The following HAUS5 variants were observed in gnomAD, a reference collection of about 807,000 sequenced individuals.
HAUS5 encodes the protein HAUS augmin-like complex subunit 5.
HAUS5 carries 67 observed loss-of-function variants against 94.1 expected under a neutral mutation model. The observed-to-expected ratio is 0.71, with a 90% CI of 0.58 to 0.87. The LOEUF (loss-of-function observed/expected upper bound fraction) is 0.87. HAUS5 is among the 40% of genes least tolerant of loss of function. HAUS5 has a pLI of 0.00. For missense variants in HAUS5, 739 were observed against 825.6 expected, an observed-to-expected ratio of 0.90 and a Z score of 1.29; for synonymous variants, 339 against 355.4, an observed-to-expected ratio of 0.95 and a Z score of 0.52.
intron 17 of HAUS5, among the ~76,000 whole-genome samples, chr19:35,621,881 T>C (rs1394428849): frequency 6.6e-6 from 1 of 152,180 alleles, no homozygotes; most frequent in African/African-American, 2.4e-5. Flanking sequence ...CAGGCCCAGC[T>C]TGTCTGATCA....
chr19:35,620,072 G>GGGCT lies in HAUS5; in HGVS notation c.1468_1471dup (p.Ser491TrpfsTer98). 6.2e-7 allele frequency: 1 copy of GGGCT among 1,613,614 alleles called. No homozygotes were observed. Among genetic ancestry groups the GGGCT allele is most frequent in the Non-Finnish European group, 8.5e-7 (1 of 1,179,858 alleles). On this transcript the variant is annotated frameshift_variant, in exon 16 of 19. Coordinates refer to ENST00000203166, the MANE Select transcript of HAUS5 (RefSeq NM_015302.2). LOFTEE classifies it high-confidence loss of function. ...ACCAGCTGCACCCCGCGTCCCCAAG[G>GGGCT]GGCTCCAGCTTCATAGCGCTGAGCC...
intron 6 of HAUS5, among the ~76,000 whole-genome samples, chr19:35,615,865 G>A (rs925529700): frequency 1.3e-5 from 2 of 152,214 alleles, no homozygotes; most frequent in African/African-American, 4.8e-5. Context: ...TGCTCAGCAT[G>A]CAGGAAGAGC....
Position 35,618,648 on chromosome 19 carries a change from T to A in HAUS5, c.965T>A (p.Leu322His), listed in dbSNP as rs756199834. 2 of 1,606,368 alleles carry A rather than the reference T, an allele frequency of 1.2e-6. No homozygotes were observed. The highest frequency in any genetic ancestry group is 3.3e-5 in the Admixed American group (2 of 59,702). The change falls in exon 12 of 19, where the codon CTC becomes CAC. Residue 322 changes from leucine to histidine, a missense_variant. Leu to His is a moderately conservative substitution (Grantham distance 99). Transcript: ENST00000203166. ...GAGCGGCAAGTCTTGACCCAGCGCCTCCAGGGCCTGGTGGAGGAGGTGGAG... is the reference window on the plus strand; with the variant it reads ...GAGCGGCAAGTCTTGACCCAGCGCCACCAGGGCCTGGTGGAGGAGGTGGAG... The part of the protein sequence containing the change: ...LKERQVLTQR[L>H]QGLVEEVERR...
rs548276652 is a variant in HAUS5 at position 35,619,921 on chromosome 19, A to G, written c.1407-91A>G. The stretch of plus-strand genomic sequence containing the variant: ...CTGGTCTTGGCATCCTAGTCCCCAG[A>G]CCCACCTTGAAGTTCCTGGGCCCCC... On this transcript the variant is annotated intron_variant, in intron 15 of 18. Coordinates refer to ENST00000203166, the MANE Select transcript of HAUS5 (RefSeq NM_015302.2). The G allele has an allele frequency of 1.9e-6, 3 of 1,543,914 alleles. No individual in the cohort carries two copies. The Admixed American group carries it at 5.7e-5, about 29-fold the overall frequency.
In HAUS5 at chr19:35,620,004, G is replaced by A. The variant is rs777969285; in HGVS notation, c.1407-8G>A. ...CCCCACCCAACCCAGACTTCTCCCC[G>A]CCCGTAGGTTGAAGCCCCTGCCCAC... is the stretch of plus-strand genomic sequence containing the variant. On this transcript the variant is annotated splice_polypyrimidine_tract_variant and splice_region_variant and intron_variant, in intron 15 of 18. Coordinates refer to ENST00000203166, the MANE Select transcript of HAUS5 (RefSeq NM_015302.2). The A allele has an allele frequency of 1.3e-5, 21 of 1,606,608 alleles. No individual in the cohort carries two copies. Among genetic ancestry groups the A allele is most frequent in the Admixed American group, 3.3e-5 (2 of 59,762 alleles).
At chr19:35,617,066 GGGGCACAGA>G in intron 6 of HAUS5, 49 bp from the exon 7 acceptor site, 1 of 1,418,948 alleles carries the variant, frequency 7.0e-7, no homozygotes, top group East Asian at 2.3e-5. Context: ...GAGAGGAGAT[GGGGCACAGA>G]CATCTGTTCT....
At chr19:35,622,310 T>A (rs1254418617) in intron 17 of HAUS5, among the ~76,000 whole-genome samples, 1 of 150,844 alleles carries the variant, frequency 6.6e-6, no homozygotes, top group East Asian at 2.0e-4. Flanking sequence ...CCATGGAGAT[T>A]GATGGGCTCT....
At position 35,618,091 on chromosome 19, in the gene HAUS5, C is replaced by T. The variant is rs747760698; in HGVS notation, c.717C>T (p.Pro239=). 3.1e-6 allele frequency: 5 copies of T among 1,601,288 alleles called. No individual in the cohort carries two copies. In the African/African-American group the frequency reaches 5.4e-5, roughly 17 times the overall value. The change falls in exon 10 of 19, where the codon CCC becomes CCT. Residue 239 remains proline (P), a synonymous_variant. Coordinates refer to ENST00000203166, the MANE Select transcript of HAUS5 (RefSeq NM_015302.2). ...CCTAGACGCTGCTGACAAACCACCCCCCAGGCCACGTCCTGGCTGCCTTGG... is the reference window on the plus strand; with the variant it reads ...CCTAGACGCTGCTGACAAACCACCCTCCAGGCCACGTCCTGGCTGCCTTGG... The part of the protein sequence containing the change: ...SSVETLLTNH[P]PGHVLAALEH...
intron 6 of HAUS5, 30 bp downstream of exon 6, chr19:35,615,416 C>A (rs749155013): frequency 1.3e-6 from 2 of 1,559,768 alleles, no homozygotes; most frequent in Non-Finnish European, 1.7e-6. Context: ...CCTCACCAGG[C>A]TGGGTGGCCA....
chr19:35,619,183 A>G, intron 13 of HAUS5, 134 bp downstream of exon 13: 1 of 960,060 alleles, frequency 1.0e-6, no homozygotes, highest in Non-Finnish European at 1.5e-6. Flanking sequence ...AGGTGGGAGG[A>G]TCTGAGCCCA....
intron 17 of HAUS5, among the ~76,000 whole-genome samples, chr19:35,622,328 A>T (rs1218909171): frequency 6.7e-6 from 1 of 150,074 alleles, no homozygotes; most frequent in Non-Finnish European, 1.5e-5. Flanking sequence ...TCTCACGGGG[A>T]GGGAGGAAGG....
In HAUS5 at chr19:35,625,173, C is replaced by G. The variant is rs1048825107; in HGVS notation, c.*2180C>G. ...ATAGACCGTTTAAATTTTTGAGATTCTACCTTATATTTTTTGAATTATATA... is the reference window on the plus strand; with the variant it reads ...ATAGACCGTTTAAATTTTTGAGATTGTACCTTATATTTTTTGAATTATATA... On this transcript the variant is annotated 3_prime_UTR_variant, in exon 19 of 19. Coordinates refer to ENST00000203166, the MANE Select transcript of HAUS5 (RefSeq NM_015302.2). The G allele has an allele frequency of 2.6e-5, 4 of 152,118 alleles. No individual in the cohort carries two copies. The highest frequency in any genetic ancestry group is 9.7e-5 in the African/African-American group (4 of 41,412). The allele number at this position is 152,118 out of a possible 1,614,324, so 9.4% of individuals were successfully genotyped here. A position where few individuals can be genotyped will look rare whatever the true frequency, so the allele number is the denominator to read the frequency against.
In HAUS5 at chr19:35,620,255, G is replaced by A. The variant is rs766592538; in HGVS notation, c.1579G>A (p.Asp527Asn). Residue 527 changes from aspartate to asparagine, a missense_variant, in exon 17 of 19, where the codon GAC becomes AAC. By Grantham distance (23) the Asp-to-Asn change is conservative. Coordinates refer to ENST00000203166, the MANE Select transcript of HAUS5 (RefSeq NM_015302.2). ...TCGCCAGGACCTTCTGCTCCTGCAG[G>A]ACCAGCGGAGCCTCTGGTGCTGGGA... ...SLRQDLLLLQ[D>N]QRSLWCWDLL... 1.2e-6 allele frequency: 2 copies of A among 1,613,070 alleles called. No individual in the cohort carries two copies. Among genetic ancestry groups the A allele is most frequent in the Non-Finnish European group, 1.7e-6 (2 of 1,179,496 alleles).
chr19:35,619,901 C>G, intron 15 of HAUS5, 111 bp from the exon 16 acceptor site: 1 of 1,529,864 alleles, frequency 6.5e-7, no homozygotes, highest in South Asian at 1.3e-5. Context: ...CAGCCCTGGT[C>G]TTGGCATCCT....
intron 17 of HAUS5, among the ~76,000 whole-genome samples, chr19:35,621,153 C>T (rs1197480643): frequency 1.3e-5 from 2 of 152,080 alleles, no homozygotes; most frequent in Admixed American, 6.5e-5. Flanking sequence ...AGAAATGAAC[C>T]GGCAGTGCCA....
At chr19:35,622,848 T>C (rs774361705) in intron 18 of HAUS5, 28 bp from the exon 19 acceptor site, 2 of 1,608,184 alleles carry the variant, frequency 1.2e-6, no homozygotes, top group Admixed American at 3.3e-5. Flanking sequence ...GTCAGTCCTT[T>C]CCTCGTTGAC....
At position 35,614,179 on chromosome 19, in the gene HAUS5, T is replaced by C. The variant is rs2071920717; in HGVS notation, c.219+120T>C. The C allele has an allele frequency of 1.2e-5, 11 of 880,600 alleles. No homozygotes were observed. The South Asian group carries it at 1.4e-4, about 11-fold the overall frequency. 54.5% of individuals were successfully genotyped at this position (880,600 alleles called of 1,614,324 possible). A position where few individuals can be genotyped will look rare whatever the true frequency, so the allele number is the denominator to read the frequency against. On this transcript the variant is annotated intron_variant, in intron 4 of 18. Coordinates refer to ENST00000203166, the MANE Select transcript of HAUS5 (RefSeq NM_015302.2). ...ACAATGGGTCACAAGACAGCCTTGA[T>C]CTCCATCCTCATAGGGCTTAAAGTC...
rs747319351 is a variant in HAUS5 at position 35,618,626 on chromosome 19, C to T, written c.943C>T (p.Arg315Trp). Residue 315 changes from arginine to tryptophan, a missense_variant, in exon 12 of 19, where the codon CGG (arginine) becomes TGG (tryptophan). Arg to Trp is a moderately radical substitution (Grantham distance 101, BLOSUM62 -3). Coordinates refer to ENST00000203166, the MANE Select transcript of HAUS5 (RefSeq NM_015302.2). ...CCAGCGGAGCACCCTCCTGAAGGAG[C>T]GGCAAGTCTTGACCCAGCGCCTCCA... ...VSQRSTLLKE[R>W]QVLTQRLQGL... 44 of 1,607,620 alleles carry T rather than the reference C, an allele frequency of 2.7e-5. No homozygotes were observed. The highest frequency in any genetic ancestry group is 6.7e-5 in the East Asian group (3 of 44,710).
rs1465402036 is a variant in HAUS5, at chr19:35,615,258, T to A, written c.357T>A (p.Thr119=). Residue 119 remains threonine (T), a synonymous_variant, in exon 6 of 19, where the codon ACT becomes ACA. Coordinates refer to ENST00000203166, the MANE Select transcript of HAUS5 (RefSeq NM_015302.2). ...CCATGGAGCAGGCACGTCAGCACAC[T>A]CAAGACACCCAGCGTCGAGCTCTCC... ...DTAMEQARQH[T]QDTQRRALLL... 6.2e-7 allele frequency: 1 copy of A among 1,614,012 alleles called. No individual in the cohort carries two copies. The highest frequency in any genetic ancestry group is 1.1e-5 in the South Asian group (1 of 91,066).
Sources: allele counts gnomAD v4.1 joint callset (sites outside exome capture counted in the v4.1 genomes callset), GRCh38; gene constraint gnomAD v4.1.1; transcripts MANE v1.5; gene names NCBI Gene and HGNC (gene_info 2026-07-23, HGNC 2026-07-21).